Variants in GTF3C2 observed in about 807,000 individuals in gnomAD.
GTF3C2 encodes general transcription factor IIIC subunit 2.
A neutral mutation model predicts 117.4 loss-of-function variants in GTF3C2; 17 were observed. That is an observed-to-expected ratio of 0.14 (90% CI 0.10 to 0.22). GTF3C2 has a LOEUF of 0.22. GTF3C2 is among the 10% of genes least tolerant of loss of function. The pLI is 1.00. For missense variants in GTF3C2, 888 were observed against 1,143.6 expected (o/e 0.78, Z 3.22); for synonymous variants, 437 against 427.0 (o/e 1.02, Z -0.29).
intron 18 of GTF3C2, 107 bp downstream of exon 18, chr2:27,327,070 G>C (rs1680100180): frequency 1.4e-6 from 1 of 692,070 alleles, no homozygotes; most frequent in African/African-American, 1.8e-5. Flanking sequence ...TGCTCTGGAG[G>C]AGGAGGAGGT....
chr2:27,338,521 ACTGT>A (rs774000749), intron 4 of GTF3C2, among the ~76,000 whole-genome samples: 1 of 151,766 alleles, frequency 6.6e-6, no homozygotes, highest in Non-Finnish European at 1.5e-5. Context: ...GGCTTTGACT[ACTGT>A]CTTTTTGTTT....
chr2:27,334,657 T>TTC (rs1680395634), intron 10 of GTF3C2, among the ~76,000 whole-genome samples: 1 of 151,912 alleles, frequency 6.6e-6, no homozygotes, highest in Non-Finnish European at 1.5e-5. Flanking sequence ...TTTTTTTTTT[T>TTC]TTTCAGACAG....
chr2:27,326,571 G>T, exon 19 of GTF3C2: 1 of 820,250 alleles, frequency 1.2e-6, no homozygotes, highest in Non-Finnish European at 2.0e-6. Context: ...GTCCAGGCCT[G>T]GCATGATCAC....
intron 4 of GTF3C2, among the ~76,000 whole-genome samples, chr2:27,338,432 CT>C (rs1189398778): frequency 4.6e-5 from 7 of 150,932 alleles, no homozygotes; most frequent in Non-Finnish European, 8.8e-5. Flanking sequence ...CTTCTCGCCC[CT>C]CTACACAGGC....
In GTF3C2 at chr2:27,329,408, C is replaced by T; in HGVS notation, c.1848G>A (p.Val616=). Residue 616 remains valine (V), a synonymous_variant, in exon 13 of 19, where the codon GTG becomes GTA. Coordinates refer to ENST00000264720, the Ensembl canonical transcript of GTF3C2. This position sits in a 1 kb window ranked among gnomAD's most constrained non-coding sequence, Gnocchi z 4.5. ...TAGCTTTGCACCATTGAAGGGTACGCACAGCCTGGTCATGGGCTAGGAAAC... is the reference window on the plus strand; with the variant it reads ...TAGCTTTGCACCATTGAAGGGTACGTACAGCCTGGTCATGGGCTAGGAAAC... The T allele has an allele frequency of 6.2e-7, 1 of 1,614,128 alleles. No homozygotes were observed. The highest frequency in any genetic ancestry group is 2.2e-5 in the East Asian group (1 of 44,882).
exon 2 of GTF3C2, chr2:27,343,472 T>C: frequency 3.1e-6 from 5 of 1,614,136 alleles, no homozygotes; most frequent in Non-Finnish European, 4.2e-6. Context: ...TAGCACCTCT[T>C]GTCCAGGAGA....
exon 18 of GTF3C2, chr2:27,327,207 C>G: frequency 6.2e-7 from 1 of 1,603,090 alleles, no homozygotes; most frequent in Non-Finnish European, 8.5e-7. Flanking sequence ...GCAGCCTGTC[C>G]AGGCAGAGTT....
rs190907956 is a variant in GTF3C2 at position 27,333,587 on chromosome 2, C to G, written c.1732+68G>C. The G allele has an allele frequency of 3.1e-5, 34 of 1,104,130 alleles. No homozygotes were observed. The East Asian group carries it at 8.0e-4, about 26-fold the overall frequency. The allele number at this position is 1,104,130 out of a possible 1,614,324, so 68.4% of individuals were successfully genotyped here. On this transcript the variant is annotated intron_variant, in intron 12 of 18. Transcript: ENST00000264720. ...AGTATTGAACCACCAAAGAAAGAAC[C>G]AAAAAACAAGCATATATAAAAAATT...
At chr2:27,337,125 G>A in intron 7 of GTF3C2, 119 bp downstream of exon 7, 1 of 653,032 alleles carries the variant, frequency 1.5e-6, no homozygotes, top group Non-Finnish European at 2.7e-6. Context: ...TCTTATTCTT[G>A]GGACCAACTG....
chr2:27,350,379 G>A (rs1050226156), intron 1 of GTF3C2: 22 of 976,786 alleles, frequency 2.3e-5, no homozygotes, highest in Non-Finnish European at 2.4e-5. Context: ...GGATTCTGAC[G>A]CACACTCAAG....
intron 1 of GTF3C2, among the ~76,000 whole-genome samples, chr2:27,353,121 G>A (rs1033270590): frequency 6.6e-5 from 10 of 152,138 alleles, no homozygotes; most frequent in Non-Finnish European, 1.3e-4. Context: ...AAGGCCGGGC[G>A]CTGTGGCTCA....
At chr2:27,343,287 A>G (rs775979505) in intron 2 of GTF3C2, 21 bp downstream of exon 2, 3 of 1,606,478 alleles carry the variant, frequency 1.9e-6, no homozygotes, top group South Asian at 1.1e-5. Flanking sequence ...GAATAAAAAG[A>G]TAAGAGGACA....
At chr2:27,339,332 G>A (rs182366759) in intron 4 of GTF3C2, among the ~76,000 whole-genome samples, 10 of 150,992 alleles carry the variant, frequency 6.6e-5, no homozygotes, top group South Asian at 2.1e-4. Flanking sequence ...GCTTGAACCC[G>A]GGAGGGGTGG....
chr2:27,342,972 C>T, exon 3 of GTF3C2: 1 of 1,614,236 alleles, frequency 6.2e-7, no homozygotes, highest in Non-Finnish European at 8.5e-7. Flanking sequence ...GACCTCGTTT[C>T]TTAGGCATGG....
chr2:27,334,681 C>T (rs1417830772), intron 10 of GTF3C2, among the ~76,000 whole-genome samples: 4 of 151,788 alleles, frequency 2.6e-5, no homozygotes, highest in Non-Finnish European at 5.9e-5. Context: ...CTCACTAAGC[C>T]GCCCAGGCTA....
exon 8 of GTF3C2, chr2:27,336,383 G>T (rs1431889488): frequency 6.2e-6 from 10 of 1,612,580 alleles, no homozygotes; most frequent in Non-Finnish European, 6.8e-6. Flanking sequence ...CCGTGAAGAA[G>T]GACACATCCC....
At chr2:27,336,343 G>A (rs1462524304) in exon 8 of GTF3C2, 1 of 1,612,406 alleles carries the variant, frequency 6.2e-7, no homozygotes, top group Non-Finnish European at 8.5e-7. Flanking sequence ...TCTGGCACTG[G>A]GCACCAGTCC....
chr2:27,326,641 C>G, exon 19 of GTF3C2: 1 of 1,523,222 alleles, frequency 6.6e-7, no homozygotes, highest in East Asian at 2.3e-5. Flanking sequence ...TGTTCTTGAC[C>G]GACTTCACTC....
chr2:27,335,466 G>GGT (rs745437950), intron 10 of GTF3C2, 132 bp downstream of exon 10: 23 of 712,512 alleles, frequency 3.2e-5, no homozygotes, highest in Admixed American at 4.0e-5. Flanking sequence ...CACAATGCAG[G>GGT]GTGTGTGTGT....
Sources: allele counts gnomAD v4.1 joint callset (sites outside exome capture counted in the v4.1 genomes callset), GRCh38; gene constraint gnomAD v4.1.1; non-coding constraint Gnocchi (gnomAD v3.1); transcripts MANE v1.5; gene names NCBI Gene and HGNC (gene_info 2026-07-23, HGNC 2026-07-21).